Variants in NINL observed in about 807,000 individuals in gnomAD.
NINL encodes ninein-like protein.
A neutral mutation model predicts 160.3 loss-of-function variants in NINL; 153 were observed. That is an observed-to-expected ratio of 0.95 (90% CI 0.84 to 1.09). The LOEUF (loss-of-function observed/expected upper bound fraction) is 1.09. Ranked by LOEUF, NINL falls within the 50% of genes least tolerant of loss-of-function variation. The pLI is 0.00. For missense variants in NINL, 1,829 were observed against 1,764.0 expected (o/e 1.04, Z -0.66); for synonymous variants, 800 against 734.8 (o/e 1.09, Z -1.43).
chr20:25,466,124 C>T lies in NINL; in HGVS notation c.3423+1265G>A, dbSNP rs543614589. ...GTAGCCTCAACCTCCCAGGCTCAAG[C>T]CATCCTCCCACCTCAACCTCCTGAG... On this transcript the variant is annotated intron_variant, in intron 19 of 23. Coordinates refer to ENST00000278886, the MANE Select transcript of NINL (RefSeq NM_025176.6). Among the ~76,000 whole-genome samples, 12 of 152,220 alleles carry T rather than the reference C, an allele frequency of 7.9e-5. 1 individual carries two copies. The East Asian group carries it at 2.1e-3, about 27-fold the overall frequency.
intron 1 of NINL, among the ~76,000 whole-genome samples, chr20:25,562,888 C>CT (rs1340414821): frequency 6.6e-6 from 1 of 152,188 alleles, no homozygotes; most frequent in Non-Finnish European, 1.5e-5. Flanking sequence ...AAAGAGCAGG[C>CT]TGGGCATGAT....
At chr20:25,501,460 C>T (rs1013926620) in intron 7 of NINL, among the ~76,000 whole-genome samples, 2 of 152,190 alleles carry the variant, frequency 1.3e-5, no homozygotes, top group African/African-American at 4.8e-5. Flanking sequence ...GCTGGAAGGG[C>T]AGAAGTGCGC....
At chr20:25,552,904 T>A (rs2147101317) in intron 1 of NINL, among the ~76,000 whole-genome samples, 1 of 152,264 alleles carries the variant, frequency 6.6e-6, no homozygotes, top group East Asian at 1.9e-4. Context: ...TCCTGGAGAA[T>A]CAGGGTCTGG....
chr20:25,483,544 A>G (rs535204722), intron 13 of NINL, among the ~76,000 whole-genome samples: 240 of 152,388 alleles, frequency 1.6e-3, no homozygotes, highest in African/African-American at 5.6e-3. Flanking sequence ...GCTTCAGATC[A>G]TATGCTGCAA....
At chr20:25,517,052 A>T (rs7361245) in intron 3 of NINL, among the ~76,000 whole-genome samples, 1 of 152,114 alleles carries the variant, frequency 6.6e-6, no homozygotes, top group African/African-American at 2.4e-5. Flanking sequence ...GTAAACGTAC[A>T]CAAAGCTCAA....
At chr20:25,465,224 G>A (rs1009047388) in intron 19 of NINL, among the ~76,000 whole-genome samples, 1 of 152,144 alleles carries the variant, frequency 6.6e-6, no homozygotes, top group Non-Finnish European at 1.5e-5. Context: ...TGGCCCACGG[G>A]ACCACTACTG....
chr20:25,497,226 C>T (rs1279353394), intron 9 of NINL, among the ~76,000 whole-genome samples: 2 of 152,228 alleles, frequency 1.3e-5, no homozygotes, highest in African/African-American at 2.4e-5. Context: ...GCATGGGCAT[C>T]CCAGCACGCT....
rs1448203695 is a variant in NINL at position 25,476,607 on chromosome 20, G to T, written c.2684C>A (p.Pro895His). 2 of 1,596,648 alleles carry T rather than the reference G, an allele frequency of 1.3e-6. No individual in the cohort carries two copies. The highest frequency in any genetic ancestry group is 4.5e-5 in the East Asian group (2 of 44,742). Residue 895 changes from proline (P) to histidine (H), a missense_variant, in exon 17 of 24, where the codon CCT (proline) becomes CAT (histidine). By Grantham distance (77) the Pro-to-His change is moderately conservative. Coordinates refer to ENST00000278886, the MANE Select transcript of NINL (RefSeq NM_025176.6). ...TGAGGGGCCGTGGGATGCCGGGGCA[G>T]GGGCGGGGGCCGGGCTCTGCGTAGC... ...TEATQSPAPAPAPASHGPSER... is the reference protein window; with the variant it reads ...TEATQSPAPAHAPASHGPSER...
At chr20:25,473,675 T>TACACACACACACACACACACAC (rs56359105) in intron 17 of NINL, among the ~76,000 whole-genome samples, 1 of 137,904 alleles carries the variant, frequency 7.3e-6, no homozygotes, top group African/African-American at 2.7e-5. Flanking sequence ...AATACACACA[T>TACACACACACACACACACACAC]ACACACACAC....
At position 25,455,803 on chromosome 20, in the gene NINL, T is replaced by G. The variant is rs1266423190; in HGVS notation, c.3844-17A>C. 1 of 1,609,014 alleles carries G rather than the reference T, an allele frequency of 6.2e-7. No individual in the cohort carries two copies. The highest frequency in any genetic ancestry group is 1.1e-5 in the South Asian group (1 of 90,976). On this transcript the variant is annotated splice_polypyrimidine_tract_variant and intron_variant, in intron 22 of 23. Transcript: ENST00000278886. The stretch of plus-strand genomic sequence containing the variant: ...ATGTTCTTCCTGCCATAAAAGAAGG[T>G]TGCAGGTGGCCGGGCATGGTGGCTC...
chr20:25,585,333 CGAG>C (rs1368346044), intron 1 of NINL, 119 bp downstream of exon 1: 20 of 152,252 alleles, frequency 1.3e-4, no homozygotes, highest in Non-Finnish European at 2.8e-4. Flanking sequence ...GAGGAGCACC[CGAG>C]GCCGCGCTCC....
chr20:25,479,043 T>G lies in NINL; in HGVS notation c.2081A>C (p.Gln694Pro). Residue 694 changes from glutamine (Q) to proline (P), a missense_variant, in exon 16 of 24, where the codon CAG (glutamine) becomes CCG (proline). Transcript: ENST00000278886. ...GCGGGCTGTGTCCTGCAGCTGCTCCTGCAGGCCCCAGATGACCTCCTGAGA... is the reference window on the plus strand; with the variant it reads ...GCGGGCTGTGTCCTGCAGCTGCTCCGGCAGGCCCCAGATGACCTCCTGAGA... ...EKSQEVIWGL[Q>P]EQLQDTARGP... 1 of 1,611,668 alleles carries G rather than the reference T, an allele frequency of 6.2e-7. No individual in the cohort carries two copies. Among genetic ancestry groups the G allele is most frequent in the Non-Finnish European group, 8.5e-7 (1 of 1,180,000 alleles).
chr20:25,575,625 C>CCTGT (rs1324823998), intron 1 of NINL, among the ~76,000 whole-genome samples: 1 of 151,760 alleles, frequency 6.6e-6, no homozygotes, highest in Non-Finnish European at 1.5e-5. Context: ...GTGGCGTGGG[C>CCTGT]CTGTAATCCC....
intron 1 of NINL, among the ~76,000 whole-genome samples, chr20:25,546,757 G>T (rs1027172667): frequency 1.3e-5 from 2 of 151,938 alleles, no homozygotes; most frequent in African/African-American, 4.8e-5. Context: ...CATCGGGAGA[G>T]ATACAAACCC....
At position 25,476,217 on chromosome 20, in the gene NINL, T is replaced by C; in HGVS notation, c.3074A>G (p.His1025Arg). The C allele has an allele frequency of 6.2e-7, 1 of 1,613,878 alleles. No homozygotes were observed. The highest frequency in any genetic ancestry group is 8.5e-7 in the Non-Finnish European group (1 of 1,179,944). ...ACCCTGCGGGTCTGCGAGCTGGAGG[T>C]GGGATGGCAAGGACCCTCTCCTGGC... is the stretch of plus-strand genomic sequence containing the variant. The part of the protein sequence containing the change: ...EVARRGSLPS[H>R]LQLADPQGSW... The change falls in exon 17 of 24, where the codon CAC becomes CGC. Residue 1025 changes from histidine (H) to arginine (R), a missense_variant. His to Arg is a conservative substitution (Grantham distance 29, BLOSUM62 0). Coordinates refer to ENST00000278886, the MANE Select transcript of NINL (RefSeq NM_025176.6).
chr20:25,463,442 T>C (rs949697069), intron 19 of NINL, among the ~76,000 whole-genome samples: 2 of 152,148 alleles, frequency 1.3e-5, no homozygotes, highest in Non-Finnish European at 2.9e-5. Flanking sequence ...TCAAATTGTA[T>C]GTTTTGCTTT....
chr20:25,534,632 G>A (rs138710519), intron 1 of NINL, among the ~76,000 whole-genome samples: 1 of 152,188 alleles, frequency 6.6e-6, no homozygotes, highest in Non-Finnish European at 1.5e-5. Flanking sequence ...CTAGAGTATT[G>A]TAATCTTATG....
rs1260605568 is a variant in NINL at position 25,476,889 on chromosome 20, G to A, written c.2402C>T (p.Ser801Leu). 5 of 1,613,200 alleles carry A rather than the reference G, an allele frequency of 3.1e-6. No homozygotes were observed. The highest frequency in any genetic ancestry group is 8.5e-7 in the Non-Finnish European group (1 of 1,179,920). Residue 801 changes from serine to leucine, a missense_variant, in exon 17 of 24, where the codon TCG becomes TTG. Coordinates refer to ENST00000278886, the MANE Select transcript of NINL (RefSeq NM_025176.6). ...CAACTCCTCCTCCTCGAGGGCCAAC[G>A]ATACGCACATCTGGGCGCGCTTCTC... ...ASEKRAQMCVSLALEEEELEL... is the reference protein window; with the variant it reads ...ASEKRAQMCVLLALEEEELEL...
intron 7 of NINL, 151 bp from the exon 8 acceptor site, chr20:25,501,161 G>GTGC: frequency 9.7e-7 from 1 of 1,034,672 alleles, no homozygotes; most frequent in Non-Finnish European, 1.4e-6. Flanking sequence ...GGGGTCAGAG[G>GTGC]TGCAGCCCCA....
Sources: allele counts gnomAD v4.1 joint callset (sites outside exome capture counted in the v4.1 genomes callset), GRCh38; gene constraint gnomAD v4.1.1; transcripts MANE v1.5; gene names NCBI Gene and HGNC (gene_info 2026-07-23, HGNC 2026-07-21).